SORBS2: variants seen among roughly 807,000 people sequenced by gnomAD.
SORBS2 encodes sorbin and SH3 domain containing 2, also known as sorbin and SH3 domain-containing protein 2.
SORBS2 carries 46 observed loss-of-function variants against 97.7 expected under a neutral mutation model. That is an observed-to-expected ratio of 0.47 (90% CI 0.37 to 0.60). The LOEUF is 0.60. SORBS2 is among the 20% of genes least tolerant of loss of function. The probability of loss-of-function intolerance (pLI) is 0.00; values close to 1 mark genes in which losing one functional copy is unlikely to be tolerated. For synonymous variants in SORBS2, 476 were observed against 473.4 expected, an observed-to-expected ratio of 1.01 and a Z score of -0.07; for missense variants, 1,316 against 1,282.3, an observed-to-expected ratio of 1.03 and a Z score of -0.40.
intron 12 of SORBS2, among the ~76,000 whole-genome samples, chr4:185,608,245 A>G (rs2096467057): frequency 6.6e-6 from 1 of 152,246 alleles, no homozygotes; most frequent in African/African-American, 2.4e-5. Flanking sequence ...AGTATTTTAG[A>G]TCATTATATG....
At chr4:185,917,150 G>A (rs1426256805) in intron 1 of SORBS2, among the ~76,000 whole-genome samples, 1 of 152,216 alleles carries the variant, frequency 6.6e-6, no homozygotes, top group Non-Finnish European at 1.5e-5. Context: ...GGAGGGCGGT[G>A]TGGCAGGGAA....
intron 2 of SORBS2, among the ~76,000 whole-genome samples, chr4:185,717,598 G>A (rs1054238306): frequency 6.6e-6 from 1 of 152,214 alleles, no homozygotes; most frequent in Non-Finnish European, 1.5e-5. Flanking sequence ...GAAGCCGCAT[G>A]TGGTCAAAGG....
intron 1 of SORBS2, among the ~76,000 whole-genome samples, chr4:185,792,251 C>T (rs1025563644): frequency 2.0e-5 from 3 of 152,012 alleles, no homozygotes; most frequent in African/African-American, 7.2e-5. Context: ...TCCCAGCACT[C>T]GGGAGGCCAA....
chr4:185,668,114 T>C (rs1449776788), intron 4 of SORBS2, among the ~76,000 whole-genome samples: 1 of 152,194 alleles, frequency 6.6e-6, no homozygotes, highest in African/African-American at 2.4e-5. Context: ...GACTTTTCCC[T>C]TTCAAATTAA....
intron 2 of SORBS2, among the ~76,000 whole-genome samples, chr4:185,741,777 C>T (rs2098728925): frequency 6.6e-6 from 1 of 152,220 alleles, no homozygotes; most frequent in Admixed American, 6.5e-5. Flanking sequence ...TGCTTTACTT[C>T]TGGTCCATAG....
chr4:185,628,700 G>A (rs2153430223), intron 5 of SORBS2, among the ~76,000 whole-genome samples: 1 of 152,336 alleles, frequency 6.6e-6, no homozygotes, highest in East Asian at 1.9e-4. Context: ...AGTGAGCCAT[G>A]ATTGCACCAC....
intron 1 of SORBS2, among the ~76,000 whole-genome samples, chr4:185,929,530 GT>G (rs367695815): frequency 0.29 from 38,741 of 134,870 alleles, 4,920 homozygotes; most frequent in South Asian, 0.32. Flanking sequence ...TTTTTGTTGG[GT>G]TTTTTTTTTT....
At chr4:185,781,203 C>A (rs1191225114) in intron 1 of SORBS2, among the ~76,000 whole-genome samples, 1 of 152,196 alleles carries the variant, frequency 6.6e-6, no homozygotes, top group Non-Finnish European at 1.5e-5. Context: ...TCCCAAAGTG[C>A]TGAAATTACA....
chr4:185,623,453 C>T lies in SORBS2; in HGVS notation c.1676G>A (p.Ser559Asn), dbSNP rs1314560109. Residue 559 changes from serine (S) to asparagine (N), a missense_variant, in exon 7 of 15, where the codon AGC becomes AAC. By Grantham distance (46) the Ser-to-Asn change is conservative. Transcript: ENST00000418609. The surrounding 1 kb of genome is among the most constrained non-coding windows in gnomAD (Gnocchi z 6.4). ...GGCCGGGCACCTGCCTTTGCAGGAG[C>T]TGATGAGGTGGCGGTGGTGGTGGTG... The T allele has an allele frequency of 6.2e-7, 1 of 1,612,240 alleles. No individual in the cohort carries two copies. Among genetic ancestry groups the T allele is most frequent in the Admixed American group, 1.7e-5 (1 of 60,018 alleles).
At chr4:185,887,958 A>ACG (rs2099240495) in intron 1 of SORBS2, among the ~76,000 whole-genome samples, 1 of 149,076 alleles carries the variant, frequency 6.7e-6, no homozygotes, top group South Asian at 2.1e-4. Context: ...TAGTATATAT[A>ACG]TATGTGTGTG....
At chr4:185,912,149 G>A (rs1261718987) in intron 1 of SORBS2, among the ~76,000 whole-genome samples, 1 of 152,160 alleles carries the variant, frequency 6.6e-6, no homozygotes, top group Non-Finnish European at 1.5e-5. Flanking sequence ...CTTTCAGTAA[G>A]TGTAGTTTTT....
intron 1 of SORBS2, among the ~76,000 whole-genome samples, chr4:185,901,416 C>G (rs1223468008): frequency 6.6e-6 from 1 of 152,096 alleles, no homozygotes; most frequent in African/African-American, 2.4e-5. Flanking sequence ...GGTGGTCAGG[C>G]TAATCTCAAA....
intron 9 of SORBS2, among the ~76,000 whole-genome samples, chr4:185,615,492 T>C (rs989649373): frequency 2.0e-5 from 3 of 151,448 alleles, no homozygotes; most frequent in African/African-American, 7.3e-5. Flanking sequence ...CTTGGAAAAA[T>C]GATGGAATAG....
At position 185,771,059 on chromosome 4, in the gene SORBS2, C is replaced by T. The variant is rs548452321; in HGVS notation, c.-198+4168G>A. On this transcript the variant is annotated intron_variant, in intron 2 of 20. Coordinates refer to the SORBS2 transcript ENST00000284776. Reference sequence around the variant, plus strand: ...GCAATGGTGGGATCTTGGCTCACTGCACCCTCCGCCTCCCAGGTTCAAGCT... The same window carrying T: ...GCAATGGTGGGATCTTGGCTCACTGTACCCTCCGCCTCCCAGGTTCAAGCT... 5.7e-5 allele frequency: 8 copies of T among 140,790 alleles called. No individual in the cohort carries two copies. In the East Asian group the frequency reaches 1.4e-3, roughly 25 times the overall value. The allele number at this position is 140,790 out of a possible 1,614,324, so 8.7% of individuals were successfully genotyped here.
intron 1 of SORBS2, among the ~76,000 whole-genome samples, chr4:185,868,421 G>T (rs1371862976): frequency 1.3e-5 from 2 of 151,932 alleles, no homozygotes; most frequent in Admixed American, 1.3e-4. Flanking sequence ...CTCCCAAAGT[G>T]CTGGGATTAC....
intron 1 of SORBS2, among the ~76,000 whole-genome samples, chr4:185,786,749 G>A (rs1378332631): frequency 1.3e-5 from 2 of 152,134 alleles, no homozygotes; most frequent in African/African-American, 4.8e-5. Flanking sequence ...ATCACTTGAG[G>A]TCAGGAGTTC....
At chr4:185,797,448 CTCTCTCTT>C (rs1046280136) in intron 1 of SORBS2, among the ~76,000 whole-genome samples, 2 of 152,096 alleles carry the variant, frequency 1.3e-5, no homozygotes, top group African/African-American at 4.8e-5. Flanking sequence ...TCCAATGGTT[CTCTCTCTT>C]TCTCTCTTTT....
chr4:185,938,387 CAT>C lies in SORBS2; in HGVS notation c.-338+17807_-338+17808del, dbSNP rs760209643. On this transcript the variant is annotated intron_variant, in intron 1 of 20. Coordinates refer to the SORBS2 transcript ENST00000284776. ...CCTCTCACCCAGAAAAATGTAGACA[CAT>C]ACACACACACACACACACACACACA... Among the ~76,000 whole-genome samples, 375 of 114,352 alleles carry C rather than the reference CAT, an allele frequency of 3.3e-3. 1 individual carries two copies. The highest frequency in any genetic ancestry group is 0.012 in the African/African-American group (316 of 26,262). The allele number at this position is 114,352 out of a possible 152,430, so 75.0% of individuals were successfully genotyped here. A position where few individuals can be genotyped will look rare whatever the true frequency, so the allele number is the denominator to read the frequency against.
intron 1 of SORBS2, among the ~76,000 whole-genome samples, chr4:185,909,559 G>A (rs1002032155): frequency 2.8e-5 from 4 of 141,804 alleles, no homozygotes; most frequent in Non-Finnish European, 6.3e-5. Context: ...TAAATAAAAG[G>A]GTAAAAAAAA....
Sources: gnomAD v4.1 joint callset for allele counts (sites outside exome capture counted in the v4.1 genomes callset) on GRCh38, gnomAD v4.1.1 for gene constraint, Gnocchi (gnomAD v3.1) non-coding constraint, MANE v1.5 for transcripts, NCBI Gene and HGNC (gene_info 2026-07-23, HGNC 2026-07-21) for gene names.